LIFR: variants seen among roughly 807,000 people sequenced by gnomAD.
LIFR encodes the protein leukemia inhibitory factor receptor.
LIFR carries 84 observed loss-of-function variants against 122.2 expected under a neutral mutation model. That is an observed-to-expected ratio of 0.69 (90% CI 0.58 to 0.82). The LOEUF is 0.82. Among genes scored for constraint, LIFR ranks in the 40% least tolerant of loss-of-function variants. The pLI is 0.00. For synonymous variants in LIFR, 422 were observed against 434.7 expected, an observed-to-expected ratio of 0.97 and a Z score of 0.36; for missense variants, 1,294 against 1,311.6, an observed-to-expected ratio of 0.99 and a Z score of 0.21.
Position 38,489,179 on chromosome 5 carries a change from T to C in LIFR, c.2234A>G (p.Glu745Gly). The change falls in exon 16 of 20, where the codon GAA (glutamate) becomes GGA (glycine). Residue 745 changes from glutamate to glycine, a missense_variant. Coordinates refer to ENST00000453190, the MANE Select transcript of LIFR (RefSeq NM_001127671.2). ...TSADSILVKW[E>G]DIPVEELRGF... ...TCTAAGTTCTTCCACAGGAATGTCT[T>C]CCCATTTTACTAATATCGAATCTGC... 6.2e-7 allele frequency: 1 copy of C among 1,612,996 alleles called. No homozygotes were observed.
intron 1 of LIFR, among the ~76,000 whole-genome samples, chr5:38,581,259 C>T (rs1026075519): frequency 6.6e-6 from 1 of 152,106 alleles, no homozygotes; most frequent in Admixed American, 6.5e-5. Flanking sequence ...TTAGCTTCTG[C>T]TGGCTTTCTA....
At chr5:38,604,751 A>G (rs893620101) in intron 2 of LIFR, among the ~76,000 whole-genome samples, 1 of 151,766 alleles carries the variant, frequency 6.6e-6, no homozygotes, top group Non-Finnish European at 1.5e-5. Context: ...GATGAAGGAC[A>G]CCCCATGGCA....
At chr5:38,503,176 G>A (rs1295616449) in intron 10 of LIFR, among the ~76,000 whole-genome samples, 2 of 152,098 alleles carry the variant, frequency 1.3e-5, no homozygotes. Context: ...AATTTGAGAT[G>A]ACTGTGAGGA....
intron 18 of LIFR, among the ~76,000 whole-genome samples, chr5:38,483,147 A>T (rs1455370316): frequency 6.6e-6 from 1 of 152,094 alleles, no homozygotes; most frequent in East Asian, 1.9e-4. Flanking sequence ...CGAGGTGGTC[A>T]TAAAAGTGAT....
rs144489035 is a variant in LIFR, at chr5:38,528,383, C to T, written c.257+343G>A. Among the ~76,000 whole-genome samples the T allele has an allele frequency of 3.1e-4, 47 of 152,270 alleles. 1 individual carries two copies. The highest frequency in any genetic ancestry group is 1.1e-3 in the African/African-American group (46 of 41,568). ...TGCTCTTCAGCAAACTTTTCAGGCT[C>T]CCCCTTCTGGACTCACACTAAGACC... On this transcript the variant is annotated intron_variant, in intron 3 of 19. Transcript: ENST00000453190.
chr5:38,529,231 T>C (rs1368196824), intron 2 of LIFR, among the ~76,000 whole-genome samples: 1 of 152,024 alleles, frequency 6.6e-6, no homozygotes, highest in Non-Finnish European at 1.5e-5. Context: ...GAGGGGATTC[T>C]AGCACCTCTT....
Position 38,499,549 on chromosome 5 carries a change from CCA to C in LIFR, c.1633_1634del (p.Trp545GlufsTer3). On this transcript the variant is annotated frameshift_variant, in exon 12 of 20. Transcript: ENST00000453190. LOFTEE classifies it high-confidence loss of function. The stretch of plus-strand genomic sequence containing the variant: ...TTATTAAATTTTTTCCATCAGAACT[CCA>C]CTCTCTCCAAGTATCAGGCCCCTTT... The part of the protein sequence containing the change: ...PSKGPDTWRE[W>X]SSDGKNLIIY... 1.2e-6 allele frequency: 2 copies of C among 1,608,682 alleles called. No homozygotes were observed. Among genetic ancestry groups the C allele is most frequent in the Non-Finnish European group, 8.5e-7 (1 of 1,175,132 alleles).
Position 38,481,358 on chromosome 5 carries a change from T to G in LIFR, c.*237A>C. 3 of 569,882 alleles carry G rather than the reference T, an allele frequency of 5.3e-6. No individual in the cohort carries two copies. Among genetic ancestry groups the G allele is most frequent in the South Asian group, 4.1e-5 (2 of 48,882 alleles). 35.3% of individuals were successfully genotyped at this position (569,882 alleles called of 1,614,324 possible). On this transcript the variant is annotated 3_prime_UTR_variant, in exon 20 of 20. Transcript: ENST00000453190. ...TAGAGTACATGAGAATTCTTTGGCT[T>G]GATCACAAAGAGCTCCCAATCTTGA...
At chr5:38,504,184 A>T in intron 9 of LIFR, 63 bp from the exon 10 acceptor site, 3 of 1,130,936 alleles carry the variant, frequency 2.7e-6, no homozygotes, top group Non-Finnish European at 4.0e-6. Flanking sequence ...TTCTAATATG[A>T]CAAATGAGAA....
upstream of LIFR, among the ~76,000 whole-genome samples, chr5:38,596,134 A>G (rs549903850): frequency 2.5e-4 from 38 of 152,294 alleles, no homozygotes; most frequent in African/African-American, 8.9e-4. Flanking sequence ...GAGCCTCTTT[A>G]GAATAAGACT....
intron 1 of LIFR, 110 bp downstream of exon 1, chr5:38,556,224 C>G (rs1748530656): frequency 6.6e-6 from 1 of 151,984 alleles, no homozygotes; most frequent in African/African-American, 2.4e-5. Context: ...TAGGACGCTC[C>G]GCAGAGCTGG....
intron 3 of LIFR, among the ~76,000 whole-genome samples, chr5:38,527,606 C>A (rs1746762574): frequency 6.6e-6 from 1 of 152,126 alleles, no homozygotes; most frequent in Admixed American, 6.6e-5. Flanking sequence ...ACTACTCACA[C>A]TCCACCCCTT....
intron 1 of LIFR, among the ~76,000 whole-genome samples, chr5:38,561,837 C>T (rs1748849231): frequency 6.6e-6 from 1 of 152,136 alleles, no homozygotes; most frequent in Non-Finnish European, 1.5e-5. Context: ...CCCTTTGGTT[C>T]CATTGTATTG....
upstream of LIFR, among the ~76,000 whole-genome samples, chr5:38,560,638 C>T (rs1384356378): frequency 6.6e-6 from 1 of 150,960 alleles, no homozygotes; most frequent in Admixed American, 6.6e-5. Flanking sequence ...GCTCTGTCGT[C>T]CAGGCTGGAG....
rs996756032 is a variant in LIFR, at chr5:38,500,840, T to C, written c.1601-1257A>G. ...CAGGGTTGGCCTGTGTGACCAACAGTGTGCAGTAGACATAATGGTATGTTA... is the reference window on the plus strand; with the variant it reads ...CAGGGTTGGCCTGTGTGACCAACAGCGTGCAGTAGACATAATGGTATGTTA... On this transcript the variant is annotated intron_variant, in intron 11 of 19. Coordinates refer to ENST00000453190, the MANE Select transcript of LIFR (RefSeq NM_001127671.2). Among the ~76,000 whole-genome samples, 14 of 152,296 alleles carry C rather than the reference T, an allele frequency of 9.2e-5. No individual in the cohort carries two copies. In the South Asian group the frequency reaches 2.9e-3, roughly 32 times the overall value.
At chr5:38,488,988 A>C in intron 16 of LIFR, 90 bp downstream of exon 16, 1 of 1,047,748 alleles carries the variant, frequency 9.5e-7, no homozygotes, top group East Asian at 2.4e-5. Flanking sequence ...AACCAGTACT[A>C]AACTACTGAG....
At chr5:38,500,050 C>T (rs551698550) in intron 11 of LIFR, among the ~76,000 whole-genome samples, 8 of 152,234 alleles carry the variant, frequency 5.3e-5, no homozygotes, top group Non-Finnish European at 1.2e-4. Context: ...TTCTAACTAC[C>T]CTATTTAAAA....
intron 1 of LIFR, chr5:38,594,789 CTATCAA>C (rs1336927709): frequency 1.6e-5 from 3 of 182,392 alleles, no homozygotes; most frequent in East Asian, 1.8e-4. Flanking sequence ...ATATGTGATT[CTATCAA>C]TATCTGACAT....
chr5:38,555,855 A>G (rs1285570320), intron 1 of LIFR, among the ~76,000 whole-genome samples: 2 of 152,186 alleles, frequency 1.3e-5, no homozygotes, highest in African/African-American at 4.8e-5. Flanking sequence ...TCTTTCACAA[A>G]GCCTAACTTT....
Sources: gnomAD v4.1 joint callset for allele counts (sites outside exome capture counted in the v4.1 genomes callset) on GRCh38, gnomAD v4.1.1 for gene constraint, MANE v1.5 for transcripts, NCBI Gene and HGNC (gene_info 2026-07-23, HGNC 2026-07-21) for gene names.